Variants in NT5DC4 observed in about 807,000 individuals in gnomAD.
NT5DC4 encodes 5'-nucleotidase domain-containing protein 4.
In NT5DC4, 44 loss-of-function variants were observed where a neutral mutation model predicts 26.6. The observed-to-expected ratio is 1.65, with a 90% CI of 1.30 to 2.13. The LOEUF (loss-of-function observed/expected upper bound fraction) is 2.13, where lower values mean the gene tolerates loss of function less well. NT5DC4 is among the 30% of genes most tolerant of loss of function. The pLI is 0.00. For synonymous variants in NT5DC4, 157 were observed against 86.7 expected (o/e 1.81, Z -4.51); for missense variants, 399 against 228.1 (o/e 1.75, Z -4.83).
intron 15 of NT5DC4, among the ~76,000 whole-genome samples, chr2:112,729,145 C>G (rs1362056900): frequency 6.6e-6 from 1 of 151,722 alleles, no homozygotes; most frequent in Non-Finnish European, 1.5e-5. Context: ...TTTTTTTTGG[C>G]CAAGTCTAGC....
rs547699643 is a variant in NT5DC4, at chr2:112,727,460, C to T, written c.1266+722C>T. Among the ~76,000 whole-genome samples, 25 of 152,246 alleles carry T rather than the reference C, an allele frequency of 1.6e-4. No individual in the cohort carries two copies. In the South Asian group the frequency reaches 3.3e-3, roughly 20 times the overall value. ...GTGGGGCCTGCCAGGATAGTAGGAG[C>T]GAGGCTGGGGGTGTCGCCTTGCCAA... On this transcript the variant is annotated intron_variant, in intron 15 of 16. Transcript: ENST00000688554.
downstream of NT5DC4, among the ~76,000 whole-genome samples, chr2:112,742,009 C>T (rs1263161337): frequency 1.5e-5 from 2 of 134,966 alleles, no homozygotes; most frequent in African/African-American, 2.8e-5. Flanking sequence ...AGGCTGGTCT[C>T]AAACTCCTGA....
At chr2:112,738,157 TTC>T (rs1261539419) in intron 16 of NT5DC4, 5 of 152,228 alleles carry the variant, frequency 3.3e-5, no homozygotes, top group African/African-American at 1.2e-4. Context: ...CTTGAAGTGT[TTC>T]TGAGTAACAA....
downstream of NT5DC4, chr2:112,742,408 T>G: frequency 1.4e-6 from 1 of 717,584 alleles, no homozygotes. Context: ...CCTTTCTGCC[T>G]CAGTCTCTTC....
intron 16 of NT5DC4, chr2:112,731,530 C>T (rs1222957407): frequency 6.6e-6 from 1 of 152,134 alleles, no homozygotes; most frequent in Non-Finnish European, 1.5e-5. Context: ...TGGGTCACTA[C>T]GAAAGATGTT....
chr2:112,728,455 G>C (rs1269273160), intron 15 of NT5DC4, among the ~76,000 whole-genome samples: 1 of 152,194 alleles, frequency 6.6e-6, no homozygotes, highest in African/African-American at 2.4e-5. Flanking sequence ...GCAAGGGTTA[G>C]TAGGAGTCAT....
chr2:112,729,740 G>T (rs1283859988), intron 16 of NT5DC4, 36 bp downstream of exon 16: 1 of 717,198 alleles, frequency 1.4e-6, no homozygotes, highest in South Asian at 1.5e-5. Flanking sequence ...TGTGGCTTGG[G>T]GTCCCATGGG....
chr2:112,735,836 A>G (rs576622767), intron 16 of NT5DC4, among the ~76,000 whole-genome samples: 2 of 152,298 alleles, frequency 1.3e-5, no homozygotes, highest in Non-Finnish European at 2.9e-5. Context: ...GAAACCTCCA[A>G]TGTGCCATTT....
Position 112,722,113 on chromosome 2 carries a change from T to A in NT5DC4, c.266+10T>A. The A allele has an allele frequency of 1.4e-6, 1 of 716,840 alleles. No individual in the cohort carries two copies. Among genetic ancestry groups the A allele is most frequent in the Non-Finnish European group, 2.6e-6 (1 of 385,054 alleles). The allele number at this position is 716,840 out of a possible 1,614,324, so 44.4% of individuals were successfully genotyped here. ...CCACCTTCCCCACCAGGTGTGTGGCTCAGGACAGGTGGGAGGCCACCCGGC... is the reference window on the plus strand; with the variant it reads ...CCACCTTCCCCACCAGGTGTGTGGCACAGGACAGGTGGGAGGCCACCCGGC... On this transcript the variant is annotated intron_variant, in intron 3 of 16. Transcript: ENST00000688554.
Position 112,724,146 on chromosome 2 carries a change from G to C in NT5DC4, c.789+20G>C. ...AGTGAGGTGAGTGTTGGAGTGTTGC[G>C]TGCACGGCTGGGGTGGGCTGTGCAA... On this transcript the variant is annotated intron_variant, in intron 10 of 16. Transcript: ENST00000688554. 2.8e-6 allele frequency: 2 copies of C among 716,732 alleles called. No homozygotes were observed. Among genetic ancestry groups the C allele is most frequent in the Non-Finnish European group, 5.2e-6 (2 of 384,896 alleles). The allele number at this position is 716,732 out of a possible 1,614,324, so 44.4% of individuals were successfully genotyped here.
At chr2:112,741,103 C>T, downstream of NT5DC4, 2 of 810,600 alleles carry the variant, frequency 2.5e-6, no homozygotes, top group South Asian at 3.3e-5. Flanking sequence ...ACAATGATTT[C>T]CCAGTGATCT....
chr2:112,725,254 C>G lies in NT5DC4; in HGVS notation c.982+14C>G. 1.4e-6 allele frequency: 1 copy of G among 706,712 alleles called. No homozygotes were observed. Among genetic ancestry groups the G allele is most frequent in the Admixed American group, 2.0e-5 (1 of 49,744 alleles). The allele number at this position is 706,712 out of a possible 1,614,324, so 43.8% of individuals were successfully genotyped here. On this transcript the variant is annotated intron_variant, in intron 12 of 16. Transcript: ENST00000688554. Reference sequence around the variant, plus strand: ...TCTACTCTGGAGGTACCAGCTCCCACCATGCCCCATCACTCCTTGGGCACC... The same window carrying G: ...TCTACTCTGGAGGTACCAGCTCCCAGCATGCCCCATCACTCCTTGGGCACC...
rs1322885095 is a variant in NT5DC4 at position 112,726,855 on chromosome 2, T to C, written c.1266+117T>C. ...TGCCAAAGGCCCAGTTACCCCATTC[T>C]CCTCAGCCTCGCCTGGGCTCCACCT... On this transcript the variant is annotated intron_variant, in intron 15 of 16. Coordinates refer to ENST00000688554, the MANE Select transcript of NT5DC4 (RefSeq NM_001393655.1). 45 of 690,892 alleles carry C rather than the reference T, an allele frequency of 6.5e-5. 1 individual carries two copies. The East Asian group carries it at 1.2e-3, about 19-fold the overall frequency. The allele number at this position is 690,892 out of a possible 1,614,324, so 42.8% of individuals were successfully genotyped here.
chr2:112,728,039 C>T (rs1677978838), intron 15 of NT5DC4, among the ~76,000 whole-genome samples: 2 of 152,238 alleles, frequency 1.3e-5, no homozygotes, highest in South Asian at 4.1e-4. Flanking sequence ...ACCCACTGGT[C>T]CCCAGCCTTG....
chr2:112,719,934 C>CTTTCTTTCTTTCTTTT, upstream of NT5DC4, among the ~76,000 whole-genome samples: 1 of 65,952 alleles, frequency 1.5e-5, no homozygotes, highest in African/African-American at 6.7e-5. Flanking sequence ...CTCTTTCTTT[C>CTTTCTTTCTTTCTTTT]TTTCTTTCTT....
At chr2:112,736,388 T>G (rs115261463) in intron 16 of NT5DC4, among the ~76,000 whole-genome samples, 1 of 152,336 alleles carries the variant, frequency 6.6e-6, no homozygotes, top group Non-Finnish European at 1.5e-5. Flanking sequence ...TATTTAAGAT[T>G]TACAACATGA....
chr2:112,724,632 C>G (rs1677441841), intron 10 of NT5DC4, 149 bp from the exon 11 acceptor site: 3 of 616,762 alleles, frequency 4.9e-6, no homozygotes, highest in South Asian at 1.9e-5. Flanking sequence ...GCTGGGGAAG[C>G]TGGGCAGCGA....
At chr2:112,728,292 T>C (rs1458991149) in intron 15 of NT5DC4, among the ~76,000 whole-genome samples, 1 of 152,228 alleles carries the variant, frequency 6.6e-6, no homozygotes, top group Non-Finnish European at 1.5e-5. Context: ...GAAGGCACAG[T>C]CCTCCTACCC....
In NT5DC4 at chr2:112,723,417, G is replaced by C. The variant is rs1423007081; in HGVS notation, c.622-1G>C. The C allele has an allele frequency of 1.4e-6, 1 of 696,984 alleles. No homozygotes were observed. Among genetic ancestry groups the C allele is most frequent in the East Asian group, 2.8e-5 (1 of 35,130 alleles). 43.2% of individuals were successfully genotyped at this position (696,984 alleles called of 1,614,324 possible). A position where few individuals can be genotyped will look rare whatever the true frequency, so the allele number is the denominator to read the frequency against. On this transcript the variant is annotated splice_acceptor_variant, in intron 7 of 16. Coordinates refer to ENST00000688554, the MANE Select transcript of NT5DC4 (RefSeq NM_001393655.1). LOFTEE classifies it high-confidence loss of function. ...CACAGGCACTTTGCTCCCTCCTGCA[G>C]GGCTGTCTCAAGAAGACCCTGGAGG... is the stretch of plus-strand genomic sequence containing the variant.
Sources: allele counts gnomAD v4.1 joint callset (sites outside exome capture counted in the v4.1 genomes callset), GRCh38; gene constraint gnomAD v4.1.1; transcripts MANE v1.5; gene names NCBI Gene and HGNC (gene_info 2026-07-23, HGNC 2026-07-21).